Variants in SGMS1 observed in about 807,000 individuals in gnomAD.
SGMS1 encodes the protein sphingomyelin synthase 1, also known as phosphatidylcholine:ceramide cholinephosphotransferase 1.
SGMS1 carries 13 observed loss-of-function variants against 46.2 expected under a neutral mutation model. The ratio of observed to expected loss-of-function variants is 0.28; its 90% CI spans 0.18 to 0.45. SGMS1 has a LOEUF of 0.45. Among genes scored for constraint, SGMS1 ranks in the 20% least tolerant of loss-of-function variants. The pLI is 1.00. For synonymous variants in SGMS1, 203 were observed against 187.8 expected (o/e 1.08, Z -0.66); for missense variants, 324 against 519.9 (o/e 0.62, Z 3.66).
chr10:50,397,379 C>T (rs2133526593), intron 6 of SGMS1, among the ~76,000 whole-genome samples: 1 of 152,232 alleles, frequency 6.6e-6, no homozygotes, highest in African/African-American at 2.4e-5. Context: ...TTAAAGAGGA[C>T]AGAAGAAACC....
At chr10:50,399,756 C>T (rs1248234920) in intron 6 of SGMS1, among the ~76,000 whole-genome samples, 1 of 152,182 alleles carries the variant, frequency 6.6e-6, no homozygotes, top group African/African-American at 2.4e-5. Flanking sequence ...AGGCCAGGCA[C>T]GGCGGCTCAC....
At position 50,343,571 on chromosome 10, in the gene SGMS1, A is replaced by G; in HGVS notation, c.544T>C (p.Trp182Arg). 1 of 1,614,136 alleles carries G rather than the reference A, an allele frequency of 6.2e-7. No individual in the cohort carries two copies. Among genetic ancestry groups the G allele is most frequent in the Non-Finnish European group, 8.5e-7 (1 of 1,180,022 alleles). Reference sequence around the variant, plus strand: ...TTAATTTCACAAATAGAAAAGGCCCACTGCACCCGGTTAAAATGGTCAAAA... The same window carrying G: ...TTAATTTCACAAATAGAAAAGGCCCGCTGCACCCGGTTAAAATGGTCAAAA... ...TFFDHFNRVQ[W>R]AFSICEINGM... Residue 182 changes from tryptophan to arginine, a missense_variant, in exon 7 of 11, where the codon TGG (tryptophan) becomes CGG (arginine). Around this residue, in one of 2 missense-constraint regions of SGMS1, gnomAD observed 174 missense variants for 350.1 expected, o/e 0.50. Coordinates refer to ENST00000361781, the MANE Select transcript of SGMS1 (RefSeq NM_147156.4).
intron 2 of SGMS1, among the ~76,000 whole-genome samples, chr10:50,570,805 G>T (rs1024012546): frequency 6.6e-6 from 1 of 152,186 alleles, no homozygotes; most frequent in Non-Finnish European, 1.5e-5. Flanking sequence ...AGGCATGGTG[G>T]CATGTGCCTG....
chr10:50,352,671 A>T (rs1287549762), intron 6 of SGMS1, among the ~76,000 whole-genome samples: 1 of 152,166 alleles, frequency 6.6e-6, no homozygotes, highest in Non-Finnish European at 1.5e-5. Context: ...AAGACCCAAA[A>T]TGCTTTTTAG....
In SGMS1 at chr10:50,330,509, G is replaced by C. The variant is rs1490085314; in HGVS notation, c.624-3187C>G. Among the ~76,000 whole-genome samples the C allele has an allele frequency of 2.6e-5, 4 of 151,648 alleles. No homozygotes were observed. The East Asian group carries it at 5.8e-4, about 22-fold the overall frequency. On this transcript the variant is annotated intron_variant, in intron 7 of 10. Transcript: ENST00000361781. ...TAAATAAATAAATAAATGAAAAGGG[G>C]TTAAAAAAAATTACTATAGTGGAAA...
intron 2 of SGMS1, among the ~76,000 whole-genome samples, chr10:50,561,185 G>C (rs1451963389): frequency 6.6e-6 from 1 of 152,032 alleles, no homozygotes; most frequent in Non-Finnish European, 1.5e-5. Flanking sequence ...CATTTCTCTG[G>C]GTCTTTTGTC....
At chr10:50,334,058 C>T (rs144961301) in intron 7 of SGMS1, among the ~76,000 whole-genome samples, 31 of 152,296 alleles carry the variant, frequency 2.0e-4, no homozygotes, top group African/African-American at 7.5e-4. Flanking sequence ...GTCTTTCAGA[C>T]TTTGAATCAG....
rs535171319 is a variant in SGMS1, at chr10:50,547,785, A to G, written c.-588-27864T>C. On this transcript the variant is annotated intron_variant, in intron 2 of 10. Transcript: ENST00000361781. The stretch of plus-strand genomic sequence containing the variant: ...AATCCTTGATGAACATTGATGCAAA[A>G]ATCCTCAAGAAAATACCGGCAAACC... Among the ~76,000 whole-genome samples the G allele has an allele frequency of 1.2e-4, 19 of 152,334 alleles. 1 individual carries two copies. The East Asian group carries it at 3.5e-3, about 28-fold the overall frequency.
At chr10:50,449,224 A>G (rs889611652) in intron 5 of SGMS1, among the ~76,000 whole-genome samples, 3 of 152,228 alleles carry the variant, frequency 2.0e-5, no homozygotes, top group Non-Finnish European at 4.4e-5. Context: ...AAACTAATCC[A>G]TCTACCTACC....
intron 2 of SGMS1, among the ~76,000 whole-genome samples, chr10:50,576,646 T>C (rs1361629210): frequency 1.3e-5 from 2 of 152,234 alleles, no homozygotes; most frequent in Non-Finnish European, 1.5e-5. Context: ...AAATGACTAA[T>C]GACAAAGCTG....
intron 1 of SGMS1, among the ~76,000 whole-genome samples, chr10:50,613,995 T>G (rs186339984): frequency 7.9e-4 from 120 of 152,326 alleles, no homozygotes; most frequent in African/African-American, 2.6e-3. Context: ...ATAATTAAAC[T>G]AGGCAAATAA....
chr10:50,403,379 GAAGAT>G, intron 6 of SGMS1, among the ~76,000 whole-genome samples: 1 of 152,278 alleles, frequency 6.6e-6, no homozygotes, highest in Admixed American at 6.5e-5. Flanking sequence ...TAGAGGTTAC[GAAGAT>G]AAGAAATGAA....
Position 50,307,341 on chromosome 10 carries a change from T to C in SGMS1, c.1063-20A>G. 1.2e-6 allele frequency: 2 copies of C among 1,601,946 alleles called. No homozygotes were observed. Among genetic ancestry groups the C allele is most frequent in the Non-Finnish European group, 1.7e-6 (2 of 1,172,842 alleles). On this transcript the variant is annotated intron_variant, in intron 10 of 10. Transcript: ENST00000361781. This position sits in a 1 kb window ranked among gnomAD's most constrained non-coding sequence, Gnocchi z 4.2. ...TAGCACCTAGGATAACAAAGAAACA[T>C]AAACACATTTCTTACAATCTTTCAC...
chr10:50,378,629 G>GT (rs1163182703), intron 6 of SGMS1, among the ~76,000 whole-genome samples: 2 of 152,124 alleles, frequency 1.3e-5, no homozygotes, highest in Non-Finnish European at 2.9e-5. Context: ...TATATATATA[G>GT]TAAGATATAA....
chr10:50,521,541 C>T (rs1368214151), intron 2 of SGMS1, among the ~76,000 whole-genome samples: 6 of 152,136 alleles, frequency 3.9e-5, no homozygotes, highest in Admixed American at 1.3e-4. Flanking sequence ...CAATTCAGAT[C>T]CAGTCCAGGG....
At chr10:50,339,950 AC>A (rs1349930902) in intron 7 of SGMS1, among the ~76,000 whole-genome samples, 1 of 152,234 alleles carries the variant, frequency 6.6e-6, no homozygotes. Flanking sequence ...CTGAGCACCC[AC>A]TATGGAGTTC....
intron 3 of SGMS1, among the ~76,000 whole-genome samples, chr10:50,502,883 C>T (rs188527486): frequency 1.3e-5 from 2 of 152,258 alleles, no homozygotes; most frequent in East Asian, 3.9e-4. Context: ...AAAAAAAATT[C>T]TCAGCACAGA....
intron 8 of SGMS1, 77 bp from the exon 9 acceptor site, chr10:50,311,492 T>C (rs536869679): frequency 3.3e-4 from 429 of 1,293,576 alleles, no homozygotes; most frequent in Non-Finnish European, 4.3e-4. Context: ...TTACTATTCA[T>C]ATCCAGAATT....
chr10:50,624,167 G>A (rs532155522), upstream of SGMS1: 7 of 978,700 alleles, frequency 7.2e-6, no homozygotes, highest in Non-Finnish European at 8.5e-6. Flanking sequence ...AAACTGAGGA[G>A]GCGGGCGCTT....
Sources: allele counts gnomAD v4.1 joint callset (sites outside exome capture counted in the v4.1 genomes callset), GRCh38; gene constraint gnomAD v4.1.1; regional missense constraint gnomAD v4.1.1; non-coding constraint Gnocchi (gnomAD v3.1); transcripts MANE v1.5; gene names NCBI Gene and HGNC (gene_info 2026-07-23, HGNC 2026-07-21).